The following ADAM2 variants were observed in gnomAD, a reference collection of about 807,000 sequenced individuals.
ADAM2 encodes ADAM metallopeptidase domain 2.
Under a neutral mutation model 99.3 loss-of-function variants are expected in ADAM2, and 101 were observed. That is an observed-to-expected ratio of 1.02 (90% CI 0.87 to 1.20). The LOEUF is 1.20. ADAM2 is among the 50% of genes most tolerant of loss of function. The pLI is 0.00. For missense variants in ADAM2, 948 were observed against 878.7 expected (o/e 1.08, Z -1.00); for synonymous variants, 323 against 287.6 (o/e 1.12, Z -1.25).
chr8:39,815,083 A>G (rs1246667525), intron 6 of ADAM2, among the ~76,000 whole-genome samples: 1 of 152,094 alleles, frequency 6.6e-6, no homozygotes, highest in Non-Finnish European at 1.5e-5. Flanking sequence ...ACAATGGATC[A>G]CCACTGATTA....
intron 7 of ADAM2, among the ~76,000 whole-genome samples, chr8:39,797,989 G>A (rs1431637265): frequency 6.6e-6 from 1 of 152,134 alleles, no homozygotes; most frequent in African/African-American, 2.4e-5. Flanking sequence ...TCTGCAAACA[G>A]ACAACTTCAC....
Position 39,821,455 on chromosome 8 carries a change from T to C in ADAM2, c.344+131A>G, listed in dbSNP as rs548076177. On this transcript the variant is annotated intron_variant, in intron 5 of 20. Transcript: ENST00000265708. The stretch of plus-strand genomic sequence containing the variant: ...AGCCATCATAAGTATTTCCATACCA[T>C]GCTTTGTGAGTGGCAGTTTTCCACA... 17 of 686,634 alleles carry C rather than the reference T, an allele frequency of 2.5e-5. No individual in the cohort carries two copies. The African/African-American group carries it at 2.5e-4, about 10-fold the overall frequency. The allele number at this position is 686,634 out of a possible 1,614,324, so 42.5% of individuals were successfully genotyped here. A position where few individuals can be genotyped will look rare whatever the true frequency, so the allele number is the denominator to read the frequency against.
In ADAM2 at chr8:39,755,849, C is replaced by A; in HGVS notation, c.1676G>T (p.Arg559Ile). 1.2e-6 allele frequency: 2 copies of A among 1,601,902 alleles called. No individual in the cohort carries two copies. Among genetic ancestry groups the A allele is most frequent in the Non-Finnish European group, 1.7e-6 (2 of 1,170,116 alleles). The part of the protein sequence containing the change: ...YVGKFLLQIP[R>I]ATIIYANISG... ...TATGTTGGCATAAATAATAGTGGCTCTTGGAATTTGTAATAAAAATTTACC... is the reference window on the plus strand; with the variant it reads ...TATGTTGGCATAAATAATAGTGGCTATTGGAATTTGTAATAAAAATTTACC... Residue 559 changes from arginine (R) to isoleucine (I), a missense_variant, in exon 16 of 21, where the codon AGA becomes ATA. Coordinates refer to ENST00000265708, the MANE Select transcript of ADAM2 (RefSeq NM_001464.5).
intron 15 of ADAM2, 110 bp downstream of exon 15, chr8:39,761,066 C>A: frequency 1.8e-6 from 1 of 547,834 alleles, no homozygotes; most frequent in South Asian, 3.9e-5. Flanking sequence ...TAAACATGGT[C>A]TTACTTTATG....
intron 7 of ADAM2, among the ~76,000 whole-genome samples, chr8:39,792,162 C>T (rs541105189): frequency 2.0e-5 from 3 of 151,638 alleles, no homozygotes; most frequent in African/African-American, 7.3e-5. Flanking sequence ...GTATCCAGTA[C>T]TCTATCTTCT....
At chr8:39,822,749 T>TC (rs1179620371) in intron 4 of ADAM2, among the ~76,000 whole-genome samples, 10 of 150,576 alleles carry the variant, frequency 6.6e-5, no homozygotes. Flanking sequence ...GAGGTCTGTT[T>TC]TTTTTTTGTT....
At chr8:39,814,164 C>T (rs942772967) in intron 6 of ADAM2, among the ~76,000 whole-genome samples, 1 of 151,826 alleles carries the variant, frequency 6.6e-6, no homozygotes, top group African/African-American at 2.4e-5. Context: ...TCGAGACCAG[C>T]CTGGCCAACA....
chr8:39,760,850 TCCAGCCTAGG>T (rs1179379039), intron 15 of ADAM2, among the ~76,000 whole-genome samples: 1 of 125,804 alleles, frequency 7.9e-6, no homozygotes, highest in Non-Finnish European at 1.6e-5. Flanking sequence ...ACCACTGCAT[TCCAGCCTAGG>T]CAACAGAGTG....
rs370742481 is a variant in ADAM2, at chr8:39,787,062, T to C, written c.810-7A>G. Reference sequence around the variant, plus strand: ...ATTTGACTTTTCTCTGTAACTTAAGTTTAAAAAGGGATCATAATCATATAA... The same window carrying C: ...ATTTGACTTTTCTCTGTAACTTAAGCTTAAAAAGGGATCATAATCATATAA... On this transcript the variant is annotated splice_region_variant and splice_polypyrimidine_tract_variant and intron_variant, in intron 9 of 20. Transcript: ENST00000265708. The C allele has an allele frequency of 2.6e-6, 4 of 1,558,422 alleles. No homozygotes were observed. The highest frequency in any genetic ancestry group is 2.6e-6 in the Non-Finnish European group (3 of 1,141,180).
rs192110664 is a variant in ADAM2 at position 39,798,639 on chromosome 8, G to A, written c.571-9899C>T. On this transcript the variant is annotated intron_variant, in intron 7 of 20. Transcript: ENST00000265708. ...GTACCAGCTCCTCTTTGTATTTCTG[G>A]TAGAATTCAGCTGTGAGTCTGTCTG... 2.8e-3 allele frequency among the ~76,000 whole-genome samples: 425 copies of A among 152,174 alleles called. 2 individuals are homozygous for A. The highest frequency in any genetic ancestry group is 9.9e-3 in the African/African-American group (410 of 41,504).
At chr8:39,780,593 A>T (rs994087661) in intron 10 of ADAM2, among the ~76,000 whole-genome samples, 1 of 152,126 alleles carries the variant, frequency 6.6e-6, no homozygotes, top group African/African-American at 2.4e-5. Flanking sequence ...TTGAAAGAAC[A>T]CTTAATAATT....
At chr8:39,827,057 A>T (rs1035654888) in intron 3 of ADAM2, among the ~76,000 whole-genome samples, 2 of 152,052 alleles carry the variant, frequency 1.3e-5, no homozygotes, top group African/African-American at 4.8e-5. Flanking sequence ...GAAAAAAAAA[A>T]TTGAAAATGA....
chr8:39,794,782 C>T (rs1268647330), intron 7 of ADAM2, among the ~76,000 whole-genome samples: 1 of 152,048 alleles, frequency 6.6e-6, no homozygotes, highest in East Asian at 1.9e-4. Context: ...GAATTGCTCA[C>T]TCAGGGAGCT....
intron 14 of ADAM2, among the ~76,000 whole-genome samples, chr8:39,766,504 A>T (rs1199526178): frequency 6.8e-6 from 1 of 146,030 alleles, no homozygotes; most frequent in Admixed American, 6.9e-5. Flanking sequence ...CAGTGGCGTG[A>T]TCTCAGCTCA....
At position 39,749,584 on chromosome 8, in the gene ADAM2, T is replaced by TGC; in HGVS notation, c.1875+81_1875+82dup. 3.2e-6 allele frequency: 4 copies of TGC among 1,255,614 alleles called. No homozygotes were observed. In the South Asian group the frequency reaches 5.4e-5, roughly 17 times the overall value. The allele number at this position is 1,255,614 out of a possible 1,614,324, so 77.8% of individuals were successfully genotyped here. A position where few individuals can be genotyped will look rare whatever the true frequency, so the allele number is the denominator to read the frequency against. ...GTTTTGGTGTGTGTGTGTGTGTGTG[T>TGC]GCGTGTGTGTGTGTGTAGCAATGCA... On this transcript the variant is annotated intron_variant, in intron 17 of 20. Coordinates refer to ENST00000265708, the MANE Select transcript of ADAM2 (RefSeq NM_001464.5).
In ADAM2 at chr8:39,821,025, A is replaced by G; in HGVS notation, c.490T>C (p.Ser164Pro). Reference sequence around the variant, plus strand: ...ACCTCTACGCTTTGTAATTTAAAGGACAGATCTCTTGATTCAATATCCTTC... The same window carrying G: ...ACCTCTACGCTTTGTAATTTAAAGGGCAGATCTCTTGATTCAATATCCTTC... ...NEKDIESRDL[S>P]FKLQSVEPQQ... Residue 164 changes from serine (S) to proline (P), a missense_variant, in exon 6 of 21, where the codon TCC becomes CCC. Physicochemically the swap from Ser to Pro is moderately conservative, Grantham distance 74. Coordinates refer to ENST00000265708, the MANE Select transcript of ADAM2 (RefSeq NM_001464.5). 1 of 1,600,620 alleles carries G rather than the reference A, an allele frequency of 6.2e-7. No individual in the cohort carries two copies. The highest frequency in any genetic ancestry group is 8.5e-7 in the Non-Finnish European group (1 of 1,171,906).
chr8:39,807,880 A>T (rs1330666201), intron 7 of ADAM2, among the ~76,000 whole-genome samples: 2 of 152,184 alleles, frequency 1.3e-5, no homozygotes, highest in African/African-American at 2.4e-5. Context: ...TCCCATAGTC[A>T]TCTGAACAGA....
At chr8:39,811,370 C>A (rs1299921725) in intron 6 of ADAM2, among the ~76,000 whole-genome samples, 2 of 152,184 alleles carry the variant, frequency 1.3e-5, no homozygotes, top group African/African-American at 2.4e-5. Context: ...TGGTACCATT[C>A]CTTCTGAAAC....
chr8:39,750,801 G>A (rs1432077235), intron 16 of ADAM2, among the ~76,000 whole-genome samples: 1 of 152,158 alleles, frequency 6.6e-6, no homozygotes, highest in African/African-American at 2.4e-5. Flanking sequence ...CAAAGGTTTA[G>A]TAATTGTTTT....
Sources: gnomAD v4.1 joint callset for allele counts (sites outside exome capture counted in the v4.1 genomes callset) on GRCh38, gnomAD v4.1.1 for gene constraint, MANE v1.5 for transcripts, NCBI Gene and HGNC (gene_info 2026-07-23, HGNC 2026-07-21) for gene names.